Variants in XPO6 observed in about 807,000 individuals in gnomAD.
XPO6 encodes exportin-6.
XPO6 carries 3 observed loss-of-function variants against 130.0 expected under a neutral mutation model. That is an observed-to-expected ratio of 0.02 (90% CI 0.01 to 0.06). XPO6 has a LOEUF of 0.06. Among genes scored for constraint, XPO6 ranks in the 10% least tolerant of loss-of-function variants. XPO6 has a pLI of 1.00. For missense variants in XPO6, 970 were observed against 1,393.0 expected (o/e 0.70, Z 4.83); for synonymous variants, 524 against 548.9 (o/e 0.95, Z 0.63).
chr16:28,119,181 A>ATTT (rs1032667845), intron 14 of XPO6, among the ~76,000 whole-genome samples: 3 of 129,050 alleles, frequency 2.3e-5, no homozygotes, highest in Non-Finnish European at 3.3e-5. Context: ...ATGTCCGGCT[A>ATTT]TTTTTTTTTT....
At chr16:28,151,837 C>T (rs571040107) in intron 8 of XPO6, among the ~76,000 whole-genome samples, 8 of 152,102 alleles carry the variant, frequency 5.3e-5, no homozygotes, top group Non-Finnish European at 1.0e-4. Flanking sequence ...AAGTCAGCCT[C>T]GTCAACATAG....
chr16:28,133,755 G>GA, intron 11 of XPO6, 86 bp downstream of exon 11: 1 of 1,205,270 alleles, frequency 8.3e-7, no homozygotes, highest in Non-Finnish European at 1.2e-6. Flanking sequence ...AGAGGGGAGA[G>GA]AGAGAGAGAT....
Position 28,104,572 on chromosome 16 carries a change from C to T in XPO6, c.2920G>A (p.Glu974Lys). The T allele has an allele frequency of 6.2e-7, 1 of 1,614,208 alleles. No homozygotes were observed. Among genetic ancestry groups the T allele is most frequent in the African/African-American group, 1.3e-5 (1 of 75,056 alleles). The stretch of plus-strand genomic sequence containing the variant: ...TGCATGATGGCACTGAACTGGGGCT[C>T]ATTCTCCATCTGCTCCTCAGCGATC... ...RGIAEEQMEN[E>K]PQFSAIMQAF... Residue 974 changes from glutamate to lysine, a missense_variant, in exon 21 of 24, where the codon GAG becomes AAG. By Grantham distance (56) the Glu-to-Lys change is moderately conservative. Coordinates refer to ENST00000304658, the MANE Select transcript of XPO6 (RefSeq NM_015171.4).
chr16:28,136,904 A>G (rs1026352650), intron 9 of XPO6, among the ~76,000 whole-genome samples: 1 of 152,240 alleles, frequency 6.6e-6, no homozygotes, highest in African/African-American at 2.4e-5. Context: ...CTCCAAAGCT[A>G]TGATGCTGGG....
chr16:28,140,753 T>C (rs1293747686), intron 9 of XPO6, among the ~76,000 whole-genome samples: 5 of 151,934 alleles, frequency 3.3e-5, no homozygotes, highest in Non-Finnish European at 5.9e-5. Flanking sequence ...CATTAAATGC[T>C]TATATACACC....
chr16:28,116,272 T>C (rs570802997), intron 15 of XPO6, among the ~76,000 whole-genome samples: 5 of 152,206 alleles, frequency 3.3e-5, no homozygotes, highest in South Asian at 4.1e-4. Flanking sequence ...CCATCCTGGC[T>C]AACATGGTGA....
At chr16:28,152,814 T>A in intron 7 of XPO6, 29 bp from the exon 8 acceptor site, 2 of 1,602,434 alleles carry the variant, frequency 1.2e-6, no homozygotes, top group Non-Finnish European at 1.7e-6. Context: ...AAGGTGACAA[T>A]AAGAAACCCA....
At chr16:28,157,223 G>A (rs1203537674) in intron 6 of XPO6, among the ~76,000 whole-genome samples, 5 of 152,254 alleles carry the variant, frequency 3.3e-5, no homozygotes, top group East Asian at 1.9e-4. Context: ...TTGGGAGGCC[G>A]AGGCGGGTGG....
intron 1 of XPO6, among the ~76,000 whole-genome samples, chr16:28,210,173 A>G (rs9926820): frequency 0.58 from 87,588 of 152,150 alleles, 27,576 homozygotes; most frequent in South Asian, 0.72. Context: ...TATAGCATAT[A>G]CTGTACGGTG....
chr16:28,131,818 C>T (rs1455620166), intron 12 of XPO6, among the ~76,000 whole-genome samples: 1 of 152,134 alleles, frequency 6.6e-6, no homozygotes, highest in Non-Finnish European at 1.5e-5. Flanking sequence ...AACAAAATAA[C>T]AAAGCAAACT....
intron 21 of XPO6, 143 bp downstream of exon 21, chr16:28,104,403 G>T (rs759230531): frequency 1.1e-4 from 122 of 1,084,556 alleles, no homozygotes; most frequent in Non-Finnish European, 1.4e-4. Context: ...AGAAACTGAG[G>T]CTCCAAGAAA....
intron 1 of XPO6, among the ~76,000 whole-genome samples, chr16:28,185,446 G>T (rs1596951260): frequency 6.6e-6 from 1 of 152,068 alleles, no homozygotes; most frequent in African/African-American, 2.4e-5. Flanking sequence ...GGAGGAGGAG[G>T]GATTCTGGTA....
At chr16:28,195,746 C>G (rs184982433) in intron 1 of XPO6, among the ~76,000 whole-genome samples, 3 of 152,148 alleles carry the variant, frequency 2.0e-5, no homozygotes, top group South Asian at 4.2e-4. Flanking sequence ...GAGAGAGACT[C>G]GTCTCAAAAA....
At chr16:28,206,035 C>CAA (rs1251090416) in intron 1 of XPO6, among the ~76,000 whole-genome samples, 59,372 of 92,446 alleles carry the variant, frequency 0.64, 19,094 homozygotes, top group South Asian at 0.81. Context: ...AAGACTGTCT[C>CAA]AAAAAAAAAA....
chr16:28,200,746 G>A (rs1003563038), intron 1 of XPO6, among the ~76,000 whole-genome samples: 4 of 152,008 alleles, frequency 2.6e-5, no homozygotes, highest in African/African-American at 9.7e-5. Context: ...AGAACACTAG[G>A]TAACTTTGGA....
At chr16:28,153,646 A>G in intron 7 of XPO6, 2 of 985,448 alleles carry the variant, frequency 2.0e-6, no homozygotes, top group Non-Finnish European at 1.2e-6. Flanking sequence ...CTGTCATTTT[A>G]AGCCCCTAAA....
At chr16:28,195,709 C>T (rs989669125) in intron 1 of XPO6, among the ~76,000 whole-genome samples, 5 of 152,112 alleles carry the variant, frequency 3.3e-5, no homozygotes, top group Non-Finnish European at 5.9e-5. Context: ...GCAGAGATCA[C>T]GCCACTGCAC....
intron 9 of XPO6, among the ~76,000 whole-genome samples, chr16:28,143,013 T>A (rs190045607): frequency 2.4e-4 from 36 of 152,328 alleles, no homozygotes; most frequent in Admixed American, 2.2e-3. Flanking sequence ...ACTTGGCCTG[T>A]TGTTTTATTT....
Position 28,153,365 on chromosome 16 carries a change from C to T in XPO6, c.1098-580G>A, listed in dbSNP as rs1046133863. The T allele has an allele frequency of 7.1e-6, 7 of 985,242 alleles. No homozygotes were observed. The African/African-American group carries it at 1.2e-4, about 17-fold the overall frequency. The allele number at this position is 985,242 out of a possible 1,614,324, so 61.0% of individuals were successfully genotyped here. A position where few individuals can be genotyped will look rare whatever the true frequency, so the allele number is the denominator to read the frequency against. On this transcript the variant is annotated intron_variant, in intron 7 of 23. Coordinates refer to ENST00000304658, the MANE Select transcript of XPO6 (RefSeq NM_015171.4). ...AGGGAGGAAGGCTATTAGAACTGGG[C>T]AAGCCTCAGGGACTTTAGTCTGATG... is the stretch of plus-strand genomic sequence containing the variant.
Sources: gnomAD v4.1 joint callset for allele counts (sites outside exome capture counted in the v4.1 genomes callset) on GRCh38, gnomAD v4.1.1 for gene constraint, MANE v1.5 for transcripts, NCBI Gene and HGNC (gene_info 2026-07-23, HGNC 2026-07-21) for gene names.